NKAIN2: variants seen among roughly 807,000 people sequenced by gnomAD.
NKAIN2 encodes sodium/potassium-transporting ATPase subunit beta-1-interacting protein 2.
A neutral mutation model predicts 32.6 loss-of-function variants in NKAIN2; 14 were observed. The observed-to-expected ratio is 0.43, with a 90% CI of 0.28 to 0.67. The LOEUF is 0.67. Among genes scored for constraint, NKAIN2 ranks in the 30% least tolerant of loss-of-function variants. The pLI is 0.17. For synonymous variants in NKAIN2, 80 were observed against 87.2 expected (o/e 0.92, Z 0.46); for missense variants, 198 against 258.3 (o/e 0.77, Z 1.60).
At chr6:124,774,147 T>C (rs1235735159) in intron 4 of NKAIN2, among the ~76,000 whole-genome samples, 1 of 152,162 alleles carries the variant, frequency 6.6e-6, no homozygotes, top group African/African-American at 2.4e-5. Flanking sequence ...ACAAGTAGAC[T>C]ATGAGTAAGG....
At chr6:124,647,168 T>G (rs953249012) in intron 3 of NKAIN2, among the ~76,000 whole-genome samples, 1 of 151,806 alleles carries the variant, frequency 6.6e-6, no homozygotes, top group South Asian at 2.1e-4. Context: ...ATGATAGTAA[T>G]TATCCCTGAA....
chr6:124,644,528 C>T (rs528210446), intron 3 of NKAIN2, among the ~76,000 whole-genome samples: 4 of 151,906 alleles, frequency 2.6e-5, no homozygotes, highest in Non-Finnish European at 4.4e-5. Context: ...CCTCAGCCTT[C>T]GGAGTAGCTG....
At chr6:124,213,528 A>T (rs1791295267) in intron 1 of NKAIN2, among the ~76,000 whole-genome samples, 2 of 152,144 alleles carry the variant, frequency 1.3e-5, no homozygotes, top group African/African-American at 4.8e-5. Context: ...TGAGATAAAC[A>T]TAGACCAAGG....
chr6:124,337,052 G>C (rs1797907741), intron 2 of NKAIN2, among the ~76,000 whole-genome samples: 1 of 152,122 alleles, frequency 6.6e-6, no homozygotes, highest in Non-Finnish European at 1.5e-5. Flanking sequence ...ATAGTCACTG[G>C]AGAGCTGTTA....
chr6:124,695,753 G>A (rs962786543), intron 4 of NKAIN2, among the ~76,000 whole-genome samples: 1 of 152,120 alleles, frequency 6.6e-6, no homozygotes, highest in African/African-American at 2.4e-5. Flanking sequence ...AGGGTTCAAA[G>A]AACACATAGG....
chr6:124,650,513 T>A (rs140376606), intron 3 of NKAIN2, among the ~76,000 whole-genome samples: 1 of 152,100 alleles, frequency 6.6e-6, no homozygotes, highest in Non-Finnish European at 1.5e-5. Context: ...AATTGTGCAT[T>A]TAGGCTGCAT....
At position 124,065,239 on chromosome 6, in the gene NKAIN2, C is replaced by CACAA. The variant is rs1423713067; in HGVS notation, c.55-217765_55-217764insCAAA. 7.9e-5 allele frequency among the ~76,000 whole-genome samples: 12 copies of CACAA among 151,638 alleles called. No individual in the cohort carries two copies. In the East Asian group the frequency reaches 2.1e-3, roughly 27 times the overall value. ...ACACACACACACACACACACACACA[C>CACAA]AACACTCAACAAACTGAAAAGGTCC... On this transcript the variant is annotated intron_variant, in intron 1 of 6. Transcript: ENST00000368417.
intron 3 of NKAIN2, among the ~76,000 whole-genome samples, chr6:124,378,025 A>T (rs1800065686): frequency 6.6e-6 from 1 of 152,104 alleles, no homozygotes; most frequent in African/African-American, 2.4e-5. Context: ...TGTGGATACC[A>T]CCTGAACTAT....
intron 3 of NKAIN2, among the ~76,000 whole-genome samples, chr6:124,640,252 T>C (rs1161224241): frequency 2.0e-5 from 3 of 152,158 alleles, no homozygotes; most frequent in Non-Finnish European, 1.5e-5. Context: ...TGGGGAACTA[T>C]TGAGGAGGAC....
intron 1 of NKAIN2, among the ~76,000 whole-genome samples, chr6:124,253,652 C>T (rs1054960634): frequency 3.9e-5 from 6 of 151,964 alleles, no homozygotes; most frequent in Non-Finnish European, 7.4e-5. Context: ...CTCCCTAAAC[C>T]CTGATAGCAT....
chr6:124,350,412 GA>G (rs555903871), intron 2 of NKAIN2, among the ~76,000 whole-genome samples: 1,676 of 151,096 alleles, frequency 0.011, 111 homozygotes, highest in Admixed American at 0.093. Context: ...ACTAAAATGA[GA>G]AAAAAAATGT....
chr6:124,244,212 G>T lies in NKAIN2; in HGVS notation c.55-38793G>T, dbSNP rs527237908. Among the ~76,000 whole-genome samples, 641 of 149,762 alleles carry T rather than the reference G, an allele frequency of 4.3e-3. 7 individuals carry two copies. The highest frequency in any genetic ancestry group is 0.015 in the African/African-American group (627 of 40,800). The stretch of plus-strand genomic sequence containing the variant: ...CCACTAACTCGTCATCTAGCATTAG[G>T]TATATCTCCCAAAGCTATCCCTCCC... On this transcript the variant is annotated intron_variant, in intron 1 of 6. Coordinates refer to ENST00000368417, the MANE Select transcript of NKAIN2 (RefSeq NM_001040214.3).
chr6:124,383,241 T>C (rs1260982265), intron 3 of NKAIN2, among the ~76,000 whole-genome samples: 1 of 152,122 alleles, frequency 6.6e-6, no homozygotes, highest in Non-Finnish European at 1.5e-5. Flanking sequence ...CTGGCTGACA[T>C]CAATTATCAA....
At position 124,730,164 on chromosome 6, in the gene NKAIN2, C is replaced by T. The variant is rs1211683421; in HGVS notation, c.475-61175C>T. 8.8e-5 allele frequency among the ~76,000 whole-genome samples: 8 copies of T among 91,302 alleles called. 3 individuals carry two copies. The highest frequency in any genetic ancestry group is 2.6e-4 in the African/African-American group (6 of 23,162). The allele number at this position is 91,302 out of a possible 152,430, so 59.9% of individuals were successfully genotyped here. On this transcript the variant is annotated intron_variant, in intron 4 of 6. Transcript: ENST00000368417. ...GTAATTTACAGATTCAATGCCATCC[C>T]CATCAAGCTACCAATGCCTTTTTTC...
chr6:124,574,996 T>A (rs1419486727), intron 3 of NKAIN2, among the ~76,000 whole-genome samples: 1 of 152,194 alleles, frequency 6.6e-6, no homozygotes, highest in Non-Finnish European at 1.5e-5. Flanking sequence ...TTGATACCAG[T>A]GTATAAAAAT....
chr6:124,040,268 G>A (rs1781809640), intron 1 of NKAIN2, among the ~76,000 whole-genome samples: 1 of 151,770 alleles, frequency 6.6e-6, no homozygotes, highest in Non-Finnish European at 1.5e-5. Context: ...TTTTGTTATA[G>A]TTTTCTTAAT....
At chr6:124,157,128 A>AAAAAG (rs1788027017) in intron 1 of NKAIN2, among the ~76,000 whole-genome samples, 1 of 144,900 alleles carries the variant, frequency 6.9e-6, no homozygotes, top group African/African-American at 2.5e-5. Flanking sequence ...AAAAAAAAAA[A>AAAAAG]GGTGACCTAA....
At chr6:124,543,974 C>T (rs952772406) in intron 3 of NKAIN2, among the ~76,000 whole-genome samples, 1 of 152,094 alleles carries the variant, frequency 6.6e-6, no homozygotes, top group African/African-American at 2.4e-5. Context: ...TTTGTCAGGA[C>T]AAAACTTGTT....
intron 1 of NKAIN2, among the ~76,000 whole-genome samples, chr6:123,908,108 A>G (rs1019791385): frequency 2.0e-5 from 3 of 152,180 alleles, no homozygotes; most frequent in African/African-American, 7.2e-5. Flanking sequence ...GAGTTCGATT[A>G]TCTATGTCCA....
Sources: allele counts gnomAD v4.1 joint callset (sites outside exome capture counted in the v4.1 genomes callset), GRCh38; gene constraint gnomAD v4.1.1; transcripts MANE v1.5; gene names NCBI Gene and HGNC (gene_info 2026-07-23, HGNC 2026-07-21).